Variants in FSTL4 observed in about 807,000 individuals in gnomAD.
FSTL4 encodes follistatin-related protein 4.
Under a neutral mutation model 78.2 loss-of-function variants are expected in FSTL4, and 28 were observed. The ratio of observed to expected loss-of-function variants is 0.36; its 90% CI spans 0.27 to 0.49. The LOEUF (loss-of-function observed/expected upper bound fraction) is 0.49, where lower values mean the gene tolerates loss of function less well. Among genes scored for constraint, FSTL4 ranks in the 20% least tolerant of loss-of-function variants. FSTL4 has a pLI of 0.98. For synonymous variants in FSTL4, 422 were observed against 440.5 expected (o/e 0.96, Z 0.53); for missense variants, 922 against 1,084.9 (o/e 0.85, Z 2.11).
rs192686696 is a variant in FSTL4 at position 133,490,241 on chromosome 5, T to C, written c.160+76945A>G. 2.8e-4 allele frequency among the ~76,000 whole-genome samples: 42 copies of C among 152,270 alleles called. No homozygotes were observed. The East Asian group carries it at 7.5e-3, about 27-fold the overall frequency. On this transcript the variant is annotated intron_variant, in intron 3 of 15. Coordinates refer to ENST00000265342, the MANE Select transcript of FSTL4 (RefSeq NM_015082.2). ...AGTACTAGTAGCTGTGTGGTGAAAT[T>C]AATAACAAACTGATCTACTTCTTAG...
the FSTL4 span, among the ~76,000 whole-genome samples, chr5:133,702,979 C>T: frequency 6.6e-6 from 1 of 152,162 alleles, no homozygotes; most frequent in Non-Finnish European, 1.5e-5. Context: ...ACAATGCTGC[C>T]CCACCGTGAT....
intron 3 of FSTL4, among the ~76,000 whole-genome samples, chr5:133,431,133 A>G (rs184451907): frequency 2.8e-3 from 424 of 152,304 alleles, no homozygotes; most frequent in African/African-American, 9.8e-3. Flanking sequence ...TTCCCCCAGC[A>G]GACAGTGGTA....
the FSTL4 span, among the ~76,000 whole-genome samples, chr5:133,686,571 T>C: frequency 5.3e-5 from 8 of 152,246 alleles, no homozygotes; most frequent in Admixed American, 4.6e-4. Flanking sequence ...CTGACGTGTA[T>C]GCCCATGTCT....
chr5:133,618,348 T>C, the FSTL4 span, among the ~76,000 whole-genome samples: 53,377 of 152,014 alleles, frequency 0.35, 9,537 homozygotes, highest in South Asian at 0.44. Context: ...GAAAGGACTC[T>C]AGATCTGATG....
chr5:133,560,957 T>C (rs1401376946), intron 3 of FSTL4, among the ~76,000 whole-genome samples: 2 of 151,052 alleles, frequency 1.3e-5, no homozygotes, highest in Non-Finnish European at 3.0e-5. Context: ...GGCATGGTGG[T>C]GGGCACATGT....
intron 3 of FSTL4, among the ~76,000 whole-genome samples, chr5:133,415,207 A>G (rs994091688): frequency 2.0e-5 from 3 of 151,658 alleles, no homozygotes; most frequent in African/African-American, 7.3e-5. Context: ...GTCTCGACCT[A>G]TAATGTCATC....
intron 3 of FSTL4, among the ~76,000 whole-genome samples, chr5:133,442,962 C>T (rs1401611140): frequency 6.6e-6 from 1 of 152,192 alleles, no homozygotes; most frequent in Non-Finnish European, 1.5e-5. Flanking sequence ...GAGCAAAGCA[C>T]AATAAGTCAA....
chr5:133,528,529 G>A lies in FSTL4; in HGVS notation c.160+38657C>T, dbSNP rs73788127. Among the ~76,000 whole-genome samples the A allele has an allele frequency of 5.3e-3, 802 of 152,268 alleles. 8 individuals are homozygous for A. Among genetic ancestry groups the A allele is most frequent in the African/African-American group, 0.019 (771 of 41,546 alleles). On this transcript the variant is annotated intron_variant, in intron 3 of 15. Coordinates refer to ENST00000265342, the MANE Select transcript of FSTL4 (RefSeq NM_015082.2). ...TGCAAGCTCTCATGCTACATGTCAC[G>A]CTGAACTGTGATTCCTCCTCCCTGA... is the stretch of plus-strand genomic sequence containing the variant.
At chr5:133,815,678 G>T in the FSTL4 span, among the ~76,000 whole-genome samples, 3 of 152,174 alleles carry the variant, frequency 2.0e-5, no homozygotes, top group African/African-American at 7.2e-5. Context: ...TTAGGGGTAC[G>T]GTTTGGGAAT....
In FSTL4 at chr5:133,344,199, AAAAC is replaced by A. The variant is rs375251691; in HGVS notation, c.410-27551_410-27548del. On this transcript the variant is annotated intron_variant, in intron 4 of 15. Transcript: ENST00000265342. ...TAAAAGCAAAATATGCATACCATAA[AAAAC>A]AAAAACTGCAAATAATACAATTGGA... Among the ~76,000 whole-genome samples the A allele has an allele frequency of 2.7e-3, 417 of 152,342 alleles. 2 individuals are homozygous for A. The highest frequency in any genetic ancestry group is 9.8e-3 in the African/African-American group (408 of 41,586).
the FSTL4 span, among the ~76,000 whole-genome samples, chr5:133,837,695 C>T: frequency 6.6e-6 from 1 of 152,146 alleles, no homozygotes; most frequent in Non-Finnish European, 1.5e-5. Flanking sequence ...ACCAGGACTT[C>T]CTATCTGGTA....
At chr5:133,370,732 G>T (rs964295708) in intron 4 of FSTL4, among the ~76,000 whole-genome samples, 1 of 152,120 alleles carries the variant, frequency 6.6e-6, no homozygotes, top group Non-Finnish European at 1.5e-5. Flanking sequence ...GGGTAGGCAG[G>T]TGTGAGGCAG....
At chr5:133,518,090 GA>G (rs1379979515) in intron 3 of FSTL4, among the ~76,000 whole-genome samples, 1 of 152,146 alleles carries the variant, frequency 6.6e-6, no homozygotes, top group Admixed American at 6.6e-5. Context: ...TGCCAAATTG[GA>G]AAGCACTTTA....
the FSTL4 span, among the ~76,000 whole-genome samples, chr5:133,762,942 T>C: frequency 2.0e-5 from 3 of 152,178 alleles, no homozygotes; most frequent in Non-Finnish European, 4.4e-5. Flanking sequence ...AAGGCACCCA[T>C]GGTGTCCATT....
the FSTL4 span, among the ~76,000 whole-genome samples, chr5:133,771,612 A>G: frequency 1.3e-5 from 2 of 152,160 alleles, no homozygotes; most frequent in African/African-American, 4.8e-5. Context: ...GAATTTATTT[A>G]TCAAACCTAA....
the FSTL4 span, among the ~76,000 whole-genome samples, chr5:133,818,887 C>G: frequency 8.0e-6 from 1 of 125,756 alleles, no homozygotes; most frequent in African/African-American, 3.0e-5. Context: ...CCCACCCAGC[C>G]CTTCTCTTCC....
intron 4 of FSTL4, among the ~76,000 whole-genome samples, chr5:133,331,087 C>A (rs1444776073): frequency 1.3e-5 from 2 of 152,176 alleles, no homozygotes; most frequent in Non-Finnish European, 2.9e-5. Flanking sequence ...AGAGGCATCA[C>A]CTCTGTGCAC....
At chr5:133,202,186 G>A (rs533188968) in intron 14 of FSTL4, 144 bp from the exon 15 acceptor site, 161 of 545,028 alleles carry the variant, frequency 3.0e-4, no homozygotes, top group Admixed American at 1.3e-3. Context: ...CAGGGAAGAG[G>A]CAGGAGCAAA....
chr5:133,367,050 C>T (rs1755195868), intron 4 of FSTL4, among the ~76,000 whole-genome samples: 1 of 152,202 alleles, frequency 6.6e-6, no homozygotes, highest in African/African-American at 2.4e-5. Context: ...TTGAAGGTCT[C>T]TCCTGAAATA....
Sources: allele counts gnomAD v4.1 joint callset (sites outside exome capture counted in the v4.1 genomes callset), GRCh38; gene constraint gnomAD v4.1.1; transcripts MANE v1.5; gene names NCBI Gene and HGNC (gene_info 2026-07-23, HGNC 2026-07-21).